The following FAM13B variants were observed in gnomAD, a reference collection of about 807,000 sequenced individuals.
The protein encoded by FAM13B is family with sequence similarity 13 member B, also known as protein FAM13B.
FAM13B carries 60 observed loss-of-function variants against 117.3 expected under a neutral mutation model. The observed-to-expected ratio is 0.51, with a 90% CI of 0.42 to 0.63. FAM13B has a LOEUF of 0.63. FAM13B is among the 30% of genes least tolerant of loss of function. The pLI is 0.00. For missense variants in FAM13B, 972 were observed against 1,091.9 expected (o/e 0.89, Z 1.55); for synonymous variants, 332 against 356.1 (o/e 0.93, Z 0.76).
In FAM13B at chr5:137,942,871, A is replaced by T; in HGVS notation, c.2588+4T>A. On this transcript the variant is annotated splice_donor_region_variant and intron_variant, in intron 22 of 23. Coordinates refer to ENST00000689681, the MANE Select transcript of FAM13B (RefSeq NM_001385994.1). ...AGGCTAAAATCACAAATCAGCATAC[A>T]TACATAGAAGCTGCTCGAGAACTTG... The T allele has an allele frequency of 6.3e-7, 1 of 1,595,700 alleles. No individual in the cohort carries two copies. Among genetic ancestry groups the T allele is most frequent in the South Asian group, 1.1e-5 (1 of 87,134 alleles).
chr5:137,992,270 A>G (rs1294618306), intron 7 of FAM13B, among the ~76,000 whole-genome samples: 1 of 151,382 alleles, frequency 6.6e-6, no homozygotes, highest in Non-Finnish European at 1.5e-5. Flanking sequence ...TTTTTAATAT[A>G]AATTTTTAAA....
At chr5:137,977,219 C>T (rs1414640526) in intron 10 of FAM13B, among the ~76,000 whole-genome samples, 1 of 152,142 alleles carries the variant, frequency 6.6e-6, no homozygotes. Context: ...AAATTTTGGT[C>T]AGACCGGTTG....
At chr5:138,049,526 T>G (rs1581337218) in intron 1 of FAM13B, among the ~76,000 whole-genome samples, 1 of 138,468 alleles carries the variant, frequency 7.2e-6, no homozygotes, top group South Asian at 2.3e-4. Flanking sequence ...ACCCACCTCT[T>G]CCTCCCAAAG....
At chr5:138,022,445 A>T (rs1787018258) in intron 1 of FAM13B, among the ~76,000 whole-genome samples, 1 of 152,228 alleles carries the variant, frequency 6.6e-6, no homozygotes, top group Non-Finnish European at 1.5e-5. Context: ...AATATTAATC[A>T]GTGTGGTTTT....
chr5:137,960,306 C>G (rs1767799279), intron 11 of FAM13B, 92 bp from the exon 12 acceptor site: 1 of 679,748 alleles, frequency 1.5e-6, no homozygotes, highest in Non-Finnish European at 2.4e-6. Flanking sequence ...CTCCATAACA[C>G]AGTTAGCATT....
chr5:137,982,171 G>T (rs1041281271), intron 10 of FAM13B, among the ~76,000 whole-genome samples: 2 of 152,178 alleles, frequency 1.3e-5, no homozygotes, highest in African/African-American at 4.8e-5. Flanking sequence ...CAAAGATGAG[G>T]AGATTAATTA....
At chr5:138,025,992 AG>A (rs1788251630) in intron 1 of FAM13B, among the ~76,000 whole-genome samples, 1 of 152,242 alleles carries the variant, frequency 6.6e-6, no homozygotes, top group South Asian at 2.1e-4. Flanking sequence ...TACTAAAATT[AG>A]TAGTAAGGGG....
intron 10 of FAM13B, among the ~76,000 whole-genome samples, chr5:137,969,397 G>T (rs6882916): frequency 0.98 from 149,126 of 152,102 alleles, 73,175 homozygotes; most frequent in Middle Eastern, 1. Flanking sequence ...GCAGCTGAGG[G>T]TCCTGTCTGT....
At chr5:138,052,157 G>C (rs1046361191), upstream of FAM13B, among the ~76,000 whole-genome samples, 1 of 151,656 alleles carries the variant, frequency 6.6e-6, no homozygotes, top group African/African-American at 2.4e-5. Flanking sequence ...AGGGTTTCCA[G>C]GCACCTCCCA....
At position 137,945,888 on chromosome 5, in the gene FAM13B, C is replaced by T; in HGVS notation, c.2340+14G>A. 6.3e-7 allele frequency: 1 copy of T among 1,579,148 alleles called. No individual in the cohort carries two copies. Among genetic ancestry groups the T allele is most frequent in the Admixed American group, 1.7e-5 (1 of 58,044 alleles). On this transcript the variant is annotated intron_variant, in intron 20 of 23. Transcript: ENST00000689681. ...GATAAAATGAACCAGAGAATTATTGCTTATTTTACTTACAAGGACAGGAGT... is the reference window on the plus strand; with the variant it reads ...GATAAAATGAACCAGAGAATTATTGTTTATTTTACTTACAAGGACAGGAGT...
At chr5:137,965,518 G>A (rs1325227923) in intron 10 of FAM13B, among the ~76,000 whole-genome samples, 1 of 152,136 alleles carries the variant, frequency 6.6e-6, no homozygotes, top group Non-Finnish European at 1.5e-5. Flanking sequence ...GCTTAGTTCT[G>A]CATCTTCCCA....
At chr5:138,001,616 T>C (rs1457764764) in intron 7 of FAM13B, among the ~76,000 whole-genome samples, 2 of 152,326 alleles carry the variant, frequency 1.3e-5, no homozygotes, top group Admixed American at 1.3e-4. Context: ...AATCCTGCTG[T>C]CTCATGGTTT....
chr5:138,005,367 A>G (rs987952580), intron 7 of FAM13B, among the ~76,000 whole-genome samples: 2 of 152,200 alleles, frequency 1.3e-5, no homozygotes, highest in African/African-American at 4.8e-5. Context: ...CAGTCTGGAA[A>G]TATTTATCAA....
upstream of FAM13B, among the ~76,000 whole-genome samples, chr5:138,035,241 C>T (rs1791042885): frequency 6.6e-6 from 1 of 151,604 alleles, no homozygotes; most frequent in Non-Finnish European, 1.5e-5. Context: ...GAACTCCTGG[C>T]CTCAAGTGAT....
At chr5:137,941,582 A>T (rs1295897274) in intron 23 of FAM13B, among the ~76,000 whole-genome samples, 1 of 152,224 alleles carries the variant, frequency 6.6e-6, no homozygotes, top group Non-Finnish European at 1.5e-5. Flanking sequence ...AAAATAAAAA[A>T]TCCAAACTAG....
intron 10 of FAM13B, among the ~76,000 whole-genome samples, chr5:137,981,222 G>C (rs1250672197): frequency 6.6e-6 from 1 of 151,422 alleles, no homozygotes; most frequent in Non-Finnish European, 1.5e-5. Context: ...ACAGGCATGA[G>C]CCACTGTGAG....
At chr5:137,971,731 A>G (rs1279452725) in intron 10 of FAM13B, among the ~76,000 whole-genome samples, 1 of 147,696 alleles carries the variant, frequency 6.8e-6, no homozygotes, top group African/African-American at 2.5e-5. Flanking sequence ...TAATAAAGAA[A>G]AAAAGAGAGA....
intron 4 of FAM13B, among the ~76,000 whole-genome samples, chr5:138,014,938 C>A (rs1304361214): frequency 6.6e-6 from 1 of 152,190 alleles, no homozygotes; most frequent in East Asian, 1.9e-4. Flanking sequence ...ATGTATGTAT[C>A]AGAGAAGTTT....
At chr5:137,951,679 T>C (rs1020104672) in intron 17 of FAM13B, among the ~76,000 whole-genome samples, 1 of 151,894 alleles carries the variant, frequency 6.6e-6, no homozygotes, top group Non-Finnish European at 1.5e-5. Flanking sequence ...AAAATATATA[T>C]TTTTTTATTT....
Sources: allele counts gnomAD v4.1 joint callset (sites outside exome capture counted in the v4.1 genomes callset), GRCh38; gene constraint gnomAD v4.1.1; transcripts MANE v1.5; gene names NCBI Gene and HGNC (gene_info 2026-07-23, HGNC 2026-07-21).